The following FANCM variants were observed in gnomAD, a reference collection of about 807,000 sequenced individuals.
FANCM encodes Fanconi anemia group M protein.
Under a neutral mutation model 199.5 loss-of-function variants are expected in FANCM, and 140 were observed. The observed-to-expected ratio is 0.70, with a 90% CI of 0.61 to 0.81. The LOEUF is 0.81. Among genes scored for constraint, FANCM ranks in the 30% least tolerant of loss-of-function variants. The pLI, the probability that FANCM is intolerant of heterozygous loss-of-function variation, is 0.00. For missense variants in FANCM, 2,410 were observed against 2,421.4 expected, an observed-to-expected ratio of 1.00 and a Z score of 0.10; for synonymous variants, 840 against 836.8, an observed-to-expected ratio of 1.00 and a Z score of -0.07.
At chr14:45,190,080 A>G (rs576842398) in intron 20 of FANCM, among the ~76,000 whole-genome samples, 11 of 152,198 alleles carry the variant, frequency 7.2e-5, no homozygotes, top group Admixed American at 7.2e-4. Context: ...GGGAGTACCA[A>G]CTGGTTTCCT....
At chr14:45,196,051 G>C (rs1037548414) in intron 20 of FANCM, 121 bp from the exon 21 acceptor site, 7 of 989,588 alleles carry the variant, frequency 7.1e-6, no homozygotes, top group Non-Finnish European at 9.7e-6. Context: ...TTGTCACTTT[G>C]GTCAAATTGA....
Position 45,142,407 on chromosome 14 carries a change from A to C in FANCM, c.759+1698A>C, listed in dbSNP as rs572399013. On this transcript the variant is annotated intron_variant, in intron 3 of 22. Coordinates refer to ENST00000267430, the MANE Select transcript of FANCM (RefSeq NM_020937.4). ...CTGCAACCTCCACCTCCCAGGTTCA[A>C]GCTATTCTCCTGCCTCAGCCTCCTG... is the stretch of plus-strand genomic sequence containing the variant. Among the ~76,000 whole-genome samples the C allele has an allele frequency of 6.5e-4, 99 of 151,712 alleles. 3 individuals are homozygous for C. The highest frequency in any genetic ancestry group is 2.3e-3 in the African/African-American group (93 of 41,238).
intron 20 of FANCM, among the ~76,000 whole-genome samples, chr14:45,191,563 T>C (rs530082758): frequency 2.0e-5 from 3 of 152,326 alleles, no homozygotes; most frequent in South Asian, 2.1e-4. Context: ...ATTTGTACTT[T>C]GGTATGTCCT....
At chr14:45,149,606 G>A (rs1309943832) in intron 4 of FANCM, among the ~76,000 whole-genome samples, 1 of 152,118 alleles carries the variant, frequency 6.6e-6, no homozygotes, top group Non-Finnish European at 1.5e-5. Context: ...GACCTCAAGT[G>A]ATTTTCCTGC....
chr14:45,179,533 T>C (rs888972126), intron 14 of FANCM, among the ~76,000 whole-genome samples: 1 of 151,408 alleles, frequency 6.6e-6, no homozygotes, highest in Non-Finnish European at 1.5e-5. Context: ...TCACCTCTCA[T>C]AGATTAGGTA....
In FANCM at chr14:45,154,705, C is replaced by T. The variant is rs752364451; in HGVS notation, c.1192C>T (p.Arg398Trp). 28 of 1,590,754 alleles carry T rather than the reference C, an allele frequency of 1.8e-5. No individual in the cohort carries two copies. The highest frequency in any genetic ancestry group is 1.8e-4 in the Middle Eastern group (1 of 5,584). ...TTTCTTAATTTCTGAAGGGATGACA[C>T]GGTCAAAAAATGAACTTGGCCGAAA... Reference protein sequence around the residue: ...GIMDGTKGMTRSKNELGRNED... With the variant: ...GIMDGTKGMTWSKNELGRNED... Residue 398 changes from arginine to tryptophan, a missense_variant, in exon 7 of 23, where the codon CGG (arginine) becomes TGG (tryptophan). Physicochemically the swap from Arg to Trp is moderately radical, Grantham distance 101. Coordinates refer to ENST00000267430, the MANE Select transcript of FANCM (RefSeq NM_020937.4).
chr14:45,191,083 A>G (rs1314929282), intron 20 of FANCM, among the ~76,000 whole-genome samples: 1 of 152,182 alleles, frequency 6.6e-6, no homozygotes, highest in Non-Finnish European at 1.5e-5. Flanking sequence ...TTATTTGAGA[A>G]TCATTGTGTT....
At chr14:45,169,722 C>G in intron 11 of FANCM, among the ~76,000 whole-genome samples, 1 of 152,100 alleles carries the variant, frequency 6.6e-6, no homozygotes, top group East Asian at 1.9e-4. Context: ...AGTAGCGTCT[C>G]AATTTTTCTG....
chr14:45,159,756 C>T (rs1037331948), intron 9 of FANCM, among the ~76,000 whole-genome samples: 1 of 151,922 alleles, frequency 6.6e-6, no homozygotes, highest in Non-Finnish European at 1.5e-5. Context: ...TCAGAAGAAA[C>T]CATGATAGTA....
At chr14:45,149,831 G>A (rs1048273469) in intron 4 of FANCM, among the ~76,000 whole-genome samples, 5 of 151,238 alleles carry the variant, frequency 3.3e-5, no homozygotes, top group Non-Finnish European at 5.9e-5. Flanking sequence ...CAACAAAAAG[G>A]CAGGAGAGAA....
Position 45,200,315 on chromosome 14 carries a change from A to G in FANCM, c.*307A>G, listed in dbSNP as rs1293428335. On this transcript the variant is annotated 3_prime_UTR_variant, in exon 23 of 23. Transcript: ENST00000267430. Reference sequence around the variant, plus strand: ...AGAGATATACTTTGGAATGTTTCCCAAAATTAAAGTTGTACTGTTGTGATA... The same window carrying G: ...AGAGATATACTTTGGAATGTTTCCCGAAATTAAAGTTGTACTGTTGTGATA... The G allele has an allele frequency of 6.2e-6, 1 of 161,720 alleles. No homozygotes were observed. Among genetic ancestry groups the G allele is most frequent in the African/African-American group, 2.4e-5 (1 of 41,590 alleles). 10.0% of individuals were successfully genotyped at this position (161,720 alleles called of 1,614,324 possible).
intron 3 of FANCM, among the ~76,000 whole-genome samples, chr14:45,148,416 G>A (rs1886582116): frequency 6.6e-6 from 1 of 151,882 alleles, no homozygotes; most frequent in Admixed American, 6.6e-5. Context: ...ATGAAATTTA[G>A]TCCTGGAAAT....
rs112523069 is a variant in FANCM at position 45,160,658 on chromosome 14, T to C, written c.1581+1378T>C. Among the ~76,000 whole-genome samples, 1,111 of 141,788 alleles carry C rather than the reference T, an allele frequency of 7.8e-3. 25 individuals are homozygous for C. The highest frequency in any genetic ancestry group is 0.027 in the African/African-American group (1,053 of 38,564). The allele number at this position is 141,788 out of a possible 152,430, so 93.0% of individuals were successfully genotyped here. A position where few individuals can be genotyped will look rare whatever the true frequency, so the allele number is the denominator to read the frequency against. ...CTCCCGGGTTCACGCCATTCTCCTG[T>C]CTCAGCCTCCCGAGTAGCTGGGACT... On this transcript the variant is annotated intron_variant, in intron 9 of 22. Coordinates refer to ENST00000267430, the MANE Select transcript of FANCM (RefSeq NM_020937.4).
intron 14 of FANCM, among the ~76,000 whole-genome samples, chr14:45,180,175 G>A (rs1347628981): frequency 5.9e-5 from 9 of 152,114 alleles, no homozygotes; most frequent in Admixed American, 2.6e-4. Flanking sequence ...AAAACTTAAC[G>A]ATGTAAAATA....
chr14:45,181,744 C>T (rs746851336), intron 16 of FANCM, 39 bp downstream of exon 16: 5 of 1,318,832 alleles, frequency 3.8e-6, no homozygotes, highest in Non-Finnish European at 5.5e-6. Flanking sequence ...ATCCAAATTC[C>T]TTTGGAATAA....
At chr14:45,138,278 G>A (rs987792114) in intron 2 of FANCM, among the ~76,000 whole-genome samples, 3 of 152,018 alleles carry the variant, frequency 2.0e-5, no homozygotes, top group African/African-American at 4.8e-5. Flanking sequence ...AAGAGGGAAA[G>A]GTAGGGAAAG....
intron 15 of FANCM, 45 bp downstream of exon 15, chr14:45,181,569 A>AT: frequency 6.6e-7 from 1 of 1,526,232 alleles, no homozygotes; most frequent in Non-Finnish European, 9.1e-7. Context: ...ATCAAAGGCT[A>AT]TTTTCCTTTT....
chr14:45,157,223 A>G (rs1357652108), intron 8 of FANCM, among the ~76,000 whole-genome samples: 1 of 152,232 alleles, frequency 6.6e-6, no homozygotes, highest in Non-Finnish European at 1.5e-5. Context: ...TAGGCATTAG[A>G]TAACCAAATC....
chr14:45,159,027 C>A (rs929329540), intron 8 of FANCM, 69 bp from the exon 9 acceptor site: 1 of 997,968 alleles, frequency 1.0e-6, no homozygotes, highest in Non-Finnish European at 1.5e-6. Flanking sequence ...TCAGGTTTGT[C>A]TTTTGAACTA....
Sources: allele counts gnomAD v4.1 joint callset (sites outside exome capture counted in the v4.1 genomes callset), GRCh38; gene constraint gnomAD v4.1.1; transcripts MANE v1.5; gene names NCBI Gene and HGNC (gene_info 2026-07-23, HGNC 2026-07-21).